Variants in SMARCC1 observed in about 807,000 individuals in gnomAD.
The protein encoded by SMARCC1 is SWI/SNF related BAF chromatin remodeling complex subunit C1.
SMARCC1 carries 43 observed loss-of-function variants against 147.4 expected under a neutral mutation model. The observed-to-expected ratio is 0.29, with a 90% CI of 0.23 to 0.38. The LOEUF is 0.38. Among genes scored for constraint, SMARCC1 ranks in the 10% least tolerant of loss-of-function variants. SMARCC1 has a pLI of 1.00. For missense variants in SMARCC1, 1,119 were observed against 1,381.1 expected, an observed-to-expected ratio of 0.81 and a Z score of 3.01; for synonymous variants, 495 against 484.4, an observed-to-expected ratio of 1.02 and a Z score of -0.29.
At chr3:47,749,744 G>GACCCTCTA (rs2034607277) in intron 2 of SMARCC1, among the ~76,000 whole-genome samples, 1 of 143,196 alleles carries the variant, frequency 7.0e-6, no homozygotes, top group African/African-American at 2.5e-5. Flanking sequence ...GACAGAGAGA[G>GACCCTCTA]AGAGAGAGAG....
intron 2 of SMARCC1, among the ~76,000 whole-genome samples, chr3:47,756,728 T>G (rs1000826221): frequency 6.6e-6 from 1 of 152,162 alleles, no homozygotes; most frequent in Non-Finnish European, 1.5e-5. Flanking sequence ...TGTGGCTACT[T>G]TCACACAATA....
intron 6 of SMARCC1, 101 bp from the exon 7 acceptor site, chr3:47,720,836 G>T: frequency 1.0e-6 from 1 of 956,602 alleles, no homozygotes; most frequent in Non-Finnish European, 1.6e-6. Flanking sequence ...GTTTGCTAAC[G>T]AACAACATTT....
chr3:47,656,894 T>C (rs1413428875), intron 21 of SMARCC1, among the ~76,000 whole-genome samples: 1 of 152,112 alleles, frequency 6.6e-6, no homozygotes, highest in African/African-American at 2.4e-5. Context: ...AACTCTAGCC[T>C]GGGCAACAGA....
intron 21 of SMARCC1, among the ~76,000 whole-genome samples, chr3:47,660,469 A>T (rs1347080896): frequency 6.9e-6 from 1 of 144,266 alleles, no homozygotes; most frequent in Non-Finnish European, 1.5e-5. Context: ...AAAAAAAAAA[A>T]GTGGAAACAA....
intron 26 of SMARCC1, 89 bp from the exon 27 acceptor site, chr3:47,590,926 T>A: frequency 1.9e-6 from 2 of 1,033,284 alleles, no homozygotes; most frequent in Non-Finnish European, 2.9e-6. Flanking sequence ...AATACAAATA[T>A]CCAACCTTCC....
At chr3:47,750,733 A>C (rs1029913469) in intron 2 of SMARCC1, among the ~76,000 whole-genome samples, 1 of 152,184 alleles carries the variant, frequency 6.6e-6, no homozygotes, top group Non-Finnish European at 1.5e-5. Flanking sequence ...TTTTCTCAAC[A>C]GTTCAACTAT....
At chr3:47,608,190 C>T (rs1055722243) in intron 26 of SMARCC1, among the ~76,000 whole-genome samples, 26 of 152,168 alleles carry the variant, frequency 1.7e-4, no homozygotes, top group African/African-American at 5.6e-4. Context: ...TAGGTTCAAG[C>T]AATACCCATG....
chr3:47,781,889 C>T lies in SMARCC1; in HGVS notation c.-92G>A, dbSNP rs2035056159. On this transcript the variant is annotated 5_prime_UTR_variant, in exon 1 of 28. Coordinates refer to ENST00000254480, the MANE Select transcript of SMARCC1 (RefSeq NM_003074.4). The stretch of plus-strand genomic sequence containing the variant: ...GCGCGCACCCCCGCGCGCGTAGCCG[C>T]CACTGCCGCTTCCCGGCCCCGCCCA... 1.1e-6 allele frequency: 1 copy of T among 885,446 alleles called. No homozygotes were observed. Among genetic ancestry groups the T allele is most frequent in the Non-Finnish European group, 1.5e-6 (1 of 669,890 alleles). The allele number at this position is 885,446 out of a possible 1,614,324, so 54.8% of individuals were successfully genotyped here.
intron 24 of SMARCC1, among the ~76,000 whole-genome samples, chr3:47,628,168 C>T (rs2032839874): frequency 6.6e-6 from 1 of 152,118 alleles, no homozygotes; most frequent in South Asian, 2.1e-4. Context: ...ACACTCTTTC[C>T]TTTCTGAAGC....
intron 19 of SMARCC1, chr3:47,663,881 G>A: frequency 6.6e-7 from 1 of 1,512,212 alleles, no homozygotes; most frequent in Non-Finnish European, 9.2e-7. Flanking sequence ...GGGTTTCACG[G>A]TCACAGCCAT....
rs149666330 is a variant in SMARCC1, at chr3:47,772,836, G to A, written c.296C>T (p.Pro99Leu). Residue 99 changes from proline (P) to leucine (L), a missense_variant, in exon 2 of 28, where the codon CCG becomes CTG. Around this residue, in one of 6 missense-constraint regions of SMARCC1, gnomAD observed 542 missense variants for 611.8 expected, o/e 0.89. Transcript: ENST00000254480. ...EDAFGKHVTN[P>L]AFTKLPAKCF... is the part of the protein sequence containing the mutation. The stretch of plus-strand genomic sequence containing the variant: ...ACTTACAGGGAGTTTGGTGAAGGCC[G>A]GGTTGGTGACATGCTTCCCAAAGGC... 30 of 1,612,558 alleles carry A rather than the reference G, an allele frequency of 1.9e-5. No individual in the cohort carries two copies. Among genetic ancestry groups the A allele is most frequent in the Non-Finnish European group, 2.3e-5 (27 of 1,179,112 alleles).
rs754430702 is a variant in SMARCC1 at position 47,746,015 on chromosome 3, C to T, written c.316-22G>A. ...TTGCCTAAAAATGATACAAATTACA[C>T]ATGAGAAAAATAAAGCTTCTGACAA... On this transcript the variant is annotated intron_variant, in intron 2 of 27. Coordinates refer to ENST00000254480, the MANE Select transcript of SMARCC1 (RefSeq NM_003074.4). The T allele has an allele frequency of 6.7e-6, 10 of 1,483,764 alleles. No individual in the cohort carries two copies. The Admixed American group carries it at 1.6e-4, about 24-fold the overall frequency. 91.9% of individuals were successfully genotyped at this position (1,483,764 alleles called of 1,614,324 possible). A position where few individuals can be genotyped will look rare whatever the true frequency, so the allele number is the denominator to read the frequency against.
chr3:47,737,086 G>C (rs1042510001), intron 4 of SMARCC1, among the ~76,000 whole-genome samples: 1 of 152,112 alleles, frequency 6.6e-6, no homozygotes, highest in African/African-American at 2.4e-5. Context: ...ATGGAAGAGT[G>C]CTTATACTAA....
At chr3:47,755,083 C>G (rs1014632875) in intron 2 of SMARCC1, among the ~76,000 whole-genome samples, 3 of 151,594 alleles carry the variant, frequency 2.0e-5, no homozygotes, top group Non-Finnish European at 4.4e-5. Context: ...CAGTTATGCA[C>G]GTCTGTAATC....
At chr3:47,678,724 A>G (rs2033603187) in intron 15 of SMARCC1, among the ~76,000 whole-genome samples, 1 of 152,216 alleles carries the variant, frequency 6.6e-6, no homozygotes, top group Non-Finnish European at 1.5e-5. Flanking sequence ...TCTATATTGC[A>G]GGTAGGGTCT....
intron 7 of SMARCC1, among the ~76,000 whole-genome samples, chr3:47,715,299 T>C (rs1482315988): frequency 6.6e-6 from 1 of 152,108 alleles, no homozygotes; most frequent in Admixed American, 6.6e-5. Flanking sequence ...ATTCCAAACC[T>C]AACACTCAAA....
At chr3:47,668,118 C>T (rs920507935) in intron 19 of SMARCC1, among the ~76,000 whole-genome samples, 7 of 152,136 alleles carry the variant, frequency 4.6e-5, no homozygotes, top group Non-Finnish European at 5.9e-5. Flanking sequence ...GCTCCATTAT[C>T]TCTCTTTCAT....
At position 47,693,247 on chromosome 3, in the gene SMARCC1, C is replaced by A. The variant is rs1195668486; in HGVS notation, c.1219G>T (p.Asp407Tyr). ...NTPVKGGTVADLDEQDEETVT... is the reference protein window; with the variant it reads ...NTPVKGGTVAYLDEQDEETVT... Reference sequence around the variant, plus strand: ...ATAGATTTTAGGTGCTTACCTAGATCCGCTACAGTTCCTCCTTTAACAGGT... The same window carrying A: ...ATAGATTTTAGGTGCTTACCTAGATACGCTACAGTTCCTCCTTTAACAGGT... The change falls in exon 12 of 28, where the codon GAT becomes TAT. Residue 407 changes from aspartate to tyrosine, a missense_variant. Around this residue, in one of 6 missense-constraint regions of SMARCC1, gnomAD observed 542 missense variants for 611.8 expected, o/e 0.89. Coordinates refer to ENST00000254480, the MANE Select transcript of SMARCC1 (RefSeq NM_003074.4). 6.3e-7 allele frequency: 1 copy of A among 1,578,348 alleles called. No homozygotes were observed. Among genetic ancestry groups the A allele is most frequent in the South Asian group, 1.1e-5 (1 of 90,272 alleles).
rs2033497898 is a variant in SMARCC1, at chr3:47,671,203, C to CAA, written c.1840-487_1840-486insTT. Among the ~76,000 whole-genome samples the CAA allele has an allele frequency of 3.8e-4, 24 of 63,234 alleles. 1 individual carries two copies. In the South Asian group the frequency reaches 0.014, roughly 36 times the overall value. 41.5% of individuals were successfully genotyped at this position (63,234 alleles called of 152,430 possible). On this transcript the variant is annotated intron_variant, in intron 18 of 27. Transcript: ENST00000254480. ...AAAAAAAAAAAAAAAAAAAAACACA[C>CAA]ACAAAAACCAAAACCAAAAAAGACT...
Sources: allele counts gnomAD v4.1 joint callset (sites outside exome capture counted in the v4.1 genomes callset), GRCh38; gene constraint gnomAD v4.1.1; regional missense constraint gnomAD v4.1.1; transcripts MANE v1.5; gene names NCBI Gene and HGNC (gene_info 2026-07-23, HGNC 2026-07-21).